RBM47: variants seen among roughly 807,000 people sequenced by gnomAD.
RBM47 encodes RNA-binding protein 47.
In RBM47, 21 loss-of-function variants were observed where a neutral mutation model predicts 47.1. That is an observed-to-expected ratio of 0.45 (90% confidence interval 0.32 to 0.64). The LOEUF (loss-of-function observed/expected upper bound fraction) is 0.64. Among genes scored for constraint, RBM47 ranks in the 30% least tolerant of loss-of-function variants. The pLI is 0.05. For missense variants in RBM47, 708 were observed against 870.9 expected (o/e 0.81, Z 2.35); for synonymous variants, 375 against 361.7 (o/e 1.04, Z -0.42).
Position 40,432,723 on chromosome 4 carries a change from A to G in RBM47, c.1470T>C (p.Ala490=), listed in dbSNP as rs436166. The G allele has an allele frequency of 1.2e-6, 2 of 1,611,764 alleles. No homozygotes were observed. Among genetic ancestry groups the G allele is most frequent in the Non-Finnish European group, 1.7e-6 (2 of 1,179,440 alleles). ...IAVQPDPASA[A]AAAAAAAAAA... Reference sequence around the variant, plus strand: ...CGGCTGCGGCCGCGGCTGCGGCGGCAGCAGCACTGGCTGGGTCTGGCTGCA... The same window carrying G: ...CGGCTGCGGCCGCGGCTGCGGCGGCGGCAGCACTGGCTGGGTCTGGCTGCA... The change falls in exon 6 of 7, where the codon GCT becomes GCC. Residue 490 remains alanine (A), a synonymous_variant. Transcript: ENST00000295971.
At chr4:40,590,598 G>T (rs1391832977) in intron 1 of RBM47, among the ~76,000 whole-genome samples, 1 of 152,106 alleles carries the variant, frequency 6.6e-6, no homozygotes, top group African/African-American at 2.4e-5. Flanking sequence ...CTTTGTTGTG[G>T]TTATCTTAAA....
intron 1 of RBM47, among the ~76,000 whole-genome samples, chr4:40,608,114 G>C (rs1392795895): frequency 6.6e-6 from 1 of 151,950 alleles, no homozygotes; most frequent in Non-Finnish European, 1.5e-5. Context: ...AAAAAAAAAG[G>C]TGAATTTTCT....
At chr4:40,441,638 T>C (rs555004345) in intron 3 of RBM47, among the ~76,000 whole-genome samples, 1 of 152,214 alleles carries the variant, frequency 6.6e-6, no homozygotes, top group African/African-American at 2.4e-5. Flanking sequence ...TCCAAGGGAA[T>C]AGAACTTATC....
intron 2 of RBM47, among the ~76,000 whole-genome samples, chr4:40,508,313 G>A (rs1724408345): frequency 6.6e-6 from 1 of 152,142 alleles, no homozygotes; most frequent in African/African-American, 2.4e-5. Flanking sequence ...AGCCAACATA[G>A]AGCACTTAGC....
At chr4:40,554,811 A>T (rs1459728732) in intron 1 of RBM47, among the ~76,000 whole-genome samples, 1 of 139,094 alleles carries the variant, frequency 7.2e-6, no homozygotes, top group Non-Finnish European at 1.5e-5. Flanking sequence ...TCCCAGGCTT[A>T]AGGGCAGTGG....
At chr4:40,557,501 C>A (rs990544546) in intron 1 of RBM47, among the ~76,000 whole-genome samples, 1 of 152,092 alleles carries the variant, frequency 6.6e-6, no homozygotes, top group Non-Finnish European at 1.5e-5. Context: ...GTAATCCCAG[C>A]GCTTTGGGAG....
intron 1 of RBM47, among the ~76,000 whole-genome samples, chr4:40,573,529 G>A (rs1027727257): frequency 6.6e-6 from 1 of 151,918 alleles, no homozygotes; most frequent in Non-Finnish European, 1.5e-5. Flanking sequence ...GATCACTTGA[G>A]GTCAAGAGTT....
In RBM47 at chr4:40,424,047, T is replaced by A. The variant is rs1714717330; in HGVS notation, c.*1857A>T. The stretch of plus-strand genomic sequence containing the variant: ...AAGGCCTCAGTAGGCACTCAATAAT[T>A]TTATAGAATAGTTAAATAAATATTG... On this transcript the variant is annotated 3_prime_UTR_variant, in exon 7 of 7. Transcript: ENST00000295971. The A allele has an allele frequency of 6.6e-6, 1 of 152,170 alleles. No individual in the cohort carries two copies. Among genetic ancestry groups the A allele is most frequent in the Admixed American group, 6.5e-5 (1 of 15,274 alleles). The allele number at this position is 152,170 out of a possible 1,614,324, so 9.4% of individuals were successfully genotyped here. A position where few individuals can be genotyped will look rare whatever the true frequency, so the allele number is the denominator to read the frequency against.
At chr4:40,530,684 T>A (rs78722928) in intron 2 of RBM47, among the ~76,000 whole-genome samples, 1 of 152,228 alleles carries the variant, frequency 6.6e-6, no homozygotes, top group Non-Finnish European at 1.5e-5. Flanking sequence ...CTAAAATAAT[T>A]ATTATAATCT....
intron 2 of RBM47, among the ~76,000 whole-genome samples, chr4:40,482,336 C>T (rs1667037653): frequency 6.6e-6 from 1 of 152,098 alleles, no homozygotes; most frequent in Admixed American, 6.6e-5. Context: ...TCACTACAAC[C>T]TCCGCCTCCC....
intron 2 of RBM47, among the ~76,000 whole-genome samples, chr4:40,510,915 CAA>C (rs1396088067): frequency 6.6e-6 from 1 of 152,200 alleles, no homozygotes; most frequent in East Asian, 1.9e-4. Context: ...CTGAAAAATA[CAA>C]AGAGTCAACA....
At chr4:40,627,255 C>T (rs1280339048) in intron 1 of RBM47, among the ~76,000 whole-genome samples, 3 of 150,006 alleles carry the variant, frequency 2.0e-5, no homozygotes, top group Admixed American at 1.3e-4. Flanking sequence ...AAGTTTGGCA[C>T]ACAAATTCTA....
At chr4:40,621,724 G>A (rs1397807889) in intron 1 of RBM47, among the ~76,000 whole-genome samples, 5 of 152,164 alleles carry the variant, frequency 3.3e-5, no homozygotes, top group African/African-American at 9.7e-5. Context: ...TAGGGCATGC[G>A]ATTCACAAAA....
chr4:40,518,805 T>TAA (rs61383968), intron 2 of RBM47, among the ~76,000 whole-genome samples: 14 of 145,812 alleles, frequency 9.6e-5, no homozygotes, highest in African/African-American at 3.3e-4. Flanking sequence ...TTATGAGCTT[T>TAA]AAAAAAAAAA....
At chr4:40,573,394 A>G (rs1731928782) in intron 1 of RBM47, among the ~76,000 whole-genome samples, 2 of 151,798 alleles carry the variant, frequency 1.3e-5, no homozygotes, top group African/African-American at 4.8e-5. Flanking sequence ...AATAAAGTAA[A>G]TATTATAAAG....
chr4:40,583,845 G>T (rs1361829976), intron 1 of RBM47, among the ~76,000 whole-genome samples: 1 of 132,268 alleles, frequency 7.6e-6, no homozygotes, highest in Non-Finnish European at 1.5e-5. Flanking sequence ...GCGAGAGAGC[G>T]AGACTCCGTC....
intron 2 of RBM47, among the ~76,000 whole-genome samples, chr4:40,498,054 T>TTTTATATATATATATATATATATATA (rs1553890649): frequency 3.6e-5 from 4 of 109,868 alleles, no homozygotes; most frequent in Non-Finnish European, 8.1e-5. Flanking sequence ...AGTGCTTGTT[T>TTTTATATATATATATATATATATATA]TATATATATA....
Position 40,601,267 on chromosome 4 carries a change from T to TA in RBM47, c.-240+28128dup, listed in dbSNP as rs527733143. ...CTCAACTGTAAAATAGAGACACTGG[T>TA]AACAGCAATCTCAGAGAACTATAAA... On this transcript the variant is annotated intron_variant, in intron 1 of 6. Coordinates refer to ENST00000295971, the MANE Select transcript of RBM47 (RefSeq NM_001098634.2). Among the ~76,000 whole-genome samples, 3 of 152,310 alleles carry TA rather than the reference T, an allele frequency of 2.0e-5. No individual in the cohort carries two copies. The South Asian group carries it at 6.2e-4, about 32-fold the overall frequency.
chr4:40,496,267 G>A (rs1722547505), intron 2 of RBM47, among the ~76,000 whole-genome samples: 1 of 152,054 alleles, frequency 6.6e-6, no homozygotes, highest in South Asian at 2.1e-4. Flanking sequence ...CTACCAGCAG[G>A]AGTGATAGCT....
Sources: allele counts gnomAD v4.1 joint callset (sites outside exome capture counted in the v4.1 genomes callset), GRCh38; gene constraint gnomAD v4.1.1; transcripts MANE v1.5; gene names NCBI Gene and HGNC (gene_info 2026-07-23, HGNC 2026-07-21).